The following USP8 variants were observed in gnomAD, a reference collection of about 807,000 sequenced individuals.
USP8 encodes ubiquitin carboxyl-terminal hydrolase 8.
Under a neutral mutation model 130.0 loss-of-function variants are expected in USP8, and 27 were observed. The ratio of observed to expected loss-of-function variants is 0.21; its 90% CI spans 0.15 to 0.29. USP8 has a LOEUF of 0.29. USP8 is among the 10% of genes least tolerant of loss of function. The probability of loss-of-function intolerance (pLI) is 1.00; values close to 1 mark genes in which losing one functional copy is unlikely to be tolerated. For synonymous variants in USP8, 392 were observed against 444.1 expected (o/e 0.88, Z 1.48); for missense variants, 1,029 against 1,312.2 (o/e 0.78, Z 3.33).
chr15:50,432,294 A>T (rs2049957859), intron 1 of USP8: 1 of 152,144 alleles, frequency 6.6e-6, no homozygotes, highest in Admixed American at 6.5e-5. Context: ...TTTGTTGCCC[A>T]CTTTGTTGGC....
intron 17 of USP8, among the ~76,000 whole-genome samples, chr15:50,496,647 T>C (rs747801380): frequency 4.6e-5 from 7 of 152,210 alleles, no homozygotes; most frequent in Non-Finnish European, 8.8e-5. Context: ...TAAAAAGTTT[T>C]ATAAGTTAAT....
At chr15:50,430,584 T>TA (rs957207201) in intron 1 of USP8, among the ~76,000 whole-genome samples, 2 of 152,092 alleles carry the variant, frequency 1.3e-5, no homozygotes, top group African/African-American at 4.8e-5. Context: ...TTTTTATTTT[T>TA]TTTTTGTAGT....
chr15:50,449,076 A>G (rs1417458821), intron 3 of USP8, among the ~76,000 whole-genome samples: 3 of 152,182 alleles, frequency 2.0e-5, no homozygotes, highest in Admixed American at 6.6e-5. Context: ...TTAATAAGAA[A>G]ATATACTTTA....
At chr15:50,433,008 G>A (rs1321668261) in intron 1 of USP8, among the ~76,000 whole-genome samples, 8 of 152,166 alleles carry the variant, frequency 5.3e-5, no homozygotes, top group African/African-American at 1.7e-4. Flanking sequence ...TTGGGAGGCC[G>A]AGGCGGGCGG....
chr15:50,496,047 C>G lies in USP8; in HGVS notation c.2858C>G (p.Ser953Cys). ...ACATTTGAGGCCTTCATGTATTTGT[C>G]TCTACCACTAGCATCCACAAGTAAA... ...SRTFEAFMYL[S>C]LPLASTSKCT... Residue 953 changes from serine (S) to cysteine (C), a missense_variant, in exon 17 of 20, where the codon TCT becomes TGT. Around this residue, in one of 4 missense-constraint regions of USP8, gnomAD observed 257 missense variants for 429.8 expected, o/e 0.60. Coordinates refer to ENST00000307179, the MANE Select transcript of USP8 (RefSeq NM_005154.5). 1.9e-6 allele frequency: 3 copies of G among 1,613,698 alleles called. No homozygotes were observed. Among genetic ancestry groups the G allele is most frequent in the Non-Finnish European group, 2.5e-6 (3 of 1,179,814 alleles).
rs2051384022 is a variant in USP8 at position 50,471,747 on chromosome 15, T to C, written c.801T>C (p.Asp267=). The C allele has an allele frequency of 1.2e-6, 2 of 1,614,094 alleles. No individual in the cohort carries two copies. The highest frequency in any genetic ancestry group is 1.7e-6 in the Non-Finnish European group (2 of 1,180,010). Reference sequence around the variant, plus strand: ...TTGACTGGTTTAGTTCTGCCAAAGATTTACAGATTGGAACAACTCTCCGGA... The same window carrying C: ...TTGACTGGTTTAGTTCTGCCAAAGACTTACAGATTGGAACAACTCTCCGGA... ...VLLDWFSSAK[D]LQIGTTLRSL... The change falls in exon 8 of 20, where the codon GAT becomes GAC. Residue 267 remains aspartate, a synonymous_variant. Coordinates refer to ENST00000307179, the MANE Select transcript of USP8 (RefSeq NM_005154.5).
At chr15:50,480,845 G>C (rs1278147062) in intron 10 of USP8, among the ~76,000 whole-genome samples, 4 of 152,034 alleles carry the variant, frequency 2.6e-5, no homozygotes, top group African/African-American at 9.7e-5. Flanking sequence ...GAAGAGATGG[G>C]CAACTAGTTG....
At chr15:50,424,921 A>C (rs1182280786) in intron 1 of USP8, among the ~76,000 whole-genome samples, 2 of 150,658 alleles carry the variant, frequency 1.3e-5, no homozygotes, top group East Asian at 3.9e-4. Context: ...GTCACACTTG[A>C]TTTTAGTGAA....
Position 50,492,795 on chromosome 15 carries a change from A to G in USP8, c.2329A>G (p.Thr777Ala). The change falls in exon 15 of 20, where the codon ACT (threonine) becomes GCT (alanine). Residue 777 changes from threonine to alanine, a missense_variant. This residue lies in a region of USP8 where 257 missense variants were observed against 429.8 expected (regional missense o/e 0.60). Coordinates refer to ENST00000307179, the MANE Select transcript of USP8 (RefSeq NM_005154.5). ...PVFGGSGPAL[T>A]GLRNLGNTCY... ...TTTTGGAGGTTCTGGACCAGCTCTT[A>G]CTGGACTTCGTAACTTAGGAAATAC... is the stretch of plus-strand genomic sequence containing the variant. The G allele has an allele frequency of 6.2e-7, 1 of 1,614,180 alleles. No homozygotes were observed. Among genetic ancestry groups the G allele is most frequent in the Non-Finnish European group, 8.5e-7 (1 of 1,180,024 alleles).
chr15:50,450,324 T>G (rs1160266284), intron 4 of USP8, among the ~76,000 whole-genome samples: 4 of 152,150 alleles, frequency 2.6e-5, no homozygotes, highest in African/African-American at 9.6e-5. Flanking sequence ...CTGTTACTTT[T>G]GATCTGCTTA....
intron 4 of USP8, among the ~76,000 whole-genome samples, chr15:50,451,822 G>C (rs1033717032): frequency 2.6e-5 from 4 of 152,176 alleles, no homozygotes; most frequent in Non-Finnish European, 4.4e-5. Context: ...AATTTCTCTT[G>C]TCAGGCCGGC....
intron 4 of USP8, among the ~76,000 whole-genome samples, chr15:50,456,539 T>G (rs1246029581): frequency 6.8e-6 from 1 of 146,662 alleles, no homozygotes; most frequent in Non-Finnish European, 1.5e-5. Flanking sequence ...CCACCACTGC[T>G]CTCCAGCCCA....
chr15:50,465,895 A>T (rs1050426685), intron 7 of USP8, among the ~76,000 whole-genome samples: 18 of 152,228 alleles, frequency 1.2e-4, no homozygotes, highest in African/African-American at 4.3e-4. Context: ...AAATGGGGAT[A>T]ATAGTAGAAC....
At chr15:50,465,727 A>G (rs962173986) in intron 7 of USP8, among the ~76,000 whole-genome samples, 4 of 152,190 alleles carry the variant, frequency 2.6e-5, no homozygotes, top group Non-Finnish European at 5.9e-5. Flanking sequence ...GAAATTCCCT[A>G]TATTTACTGT....
intron 4 of USP8, among the ~76,000 whole-genome samples, chr15:50,456,169 G>T (rs1371982979): frequency 1.3e-5 from 2 of 152,152 alleles, no homozygotes; most frequent in Non-Finnish European, 2.9e-5. Flanking sequence ...AAGGCGAAAG[G>T]ATAGCATTTT....
At chr15:50,493,471 G>A (rs779889237) in intron 15 of USP8, 2 of 519,038 alleles carry the variant, frequency 3.9e-6, no homozygotes, top group Non-Finnish European at 7.7e-6. Context: ...GAATAATGAA[G>A]GCTGGGCATG....
intron 3 of USP8, among the ~76,000 whole-genome samples, chr15:50,448,562 C>G (rs1347099324): frequency 6.6e-6 from 1 of 151,612 alleles, no homozygotes; most frequent in Non-Finnish European, 1.5e-5. Flanking sequence ...TTCTGTCGCC[C>G]AGGCTGGAGT....
chr15:50,460,583 A>T (rs1026458378), intron 5 of USP8, among the ~76,000 whole-genome samples: 1 of 152,000 alleles, frequency 6.6e-6, no homozygotes, highest in African/African-American at 2.4e-5. Context: ...TGTTGGGATT[A>T]TAGGAGTGAG....
intron 5 of USP8, 137 bp downstream of exon 5, chr15:50,459,299 T>C: frequency 1.3e-5 from 16 of 1,270,728 alleles, no homozygotes; most frequent in Non-Finnish European, 1.6e-5. Context: ...GAAATTTATT[T>C]AAGGCTGGGC....
Sources: gnomAD v4.1 joint callset for allele counts (sites outside exome capture counted in the v4.1 genomes callset) on GRCh38, gnomAD v4.1.1 for gene constraint, gnomAD v4.1.1 regional missense constraint, MANE v1.5 for transcripts, NCBI Gene and HGNC (gene_info 2026-07-23, HGNC 2026-07-21) for gene names.